C16orf74: variants seen among roughly 807,000 people sequenced by gnomAD.
C16orf74 encodes uncharacterized protein C16orf74.
In C16orf74, 10 loss-of-function variants were observed where a neutral mutation model predicts 6.5. The observed-to-expected ratio is 1.54, with a 90% CI of 0.95 to 2.61. C16orf74 has a LOEUF of 2.61. C16orf74 is among the 30% of genes most tolerant of loss of function. The pLI, the probability that C16orf74 is intolerant of heterozygous loss-of-function variation, is 0.00. For missense variants in C16orf74, 141 were observed against 105.9 expected (o/e 1.33, Z -1.45); for synonymous variants, 60 against 42.5 (o/e 1.41, Z -1.60).
At chr16:85,725,726 C>T (rs1332653835) in intron 2 of C16orf74, among the ~76,000 whole-genome samples, 1 of 152,164 alleles carries the variant, frequency 6.6e-6, no homozygotes, top group Non-Finnish European at 1.5e-5. Flanking sequence ...ACCTCAGCCT[C>T]CTGAGTAGCT....
chr16:85,746,568 TCACGGTGG>T (rs1374862564), intron 1 of C16orf74, among the ~76,000 whole-genome samples: 15 of 152,006 alleles, frequency 9.9e-5, no homozygotes, highest in Non-Finnish European at 1.6e-4. Context: ...AGGTCCTGAG[TCACGGTGG>T]CACCTTGCCC....
intron 2 of C16orf74, among the ~76,000 whole-genome samples, chr16:85,723,254 C>G (rs960370486): frequency 4.4e-5 from 5 of 114,362 alleles, no homozygotes; most frequent in Non-Finnish European, 8.6e-5. Flanking sequence ...AGCAAGACTC[C>G]ATCTCAAAAA....
At chr16:85,714,956 A>G (rs1598782526) in intron 2 of C16orf74, among the ~76,000 whole-genome samples, 1 of 150,826 alleles carries the variant, frequency 6.6e-6, no homozygotes, top group Admixed American at 6.6e-5. Flanking sequence ...GGAGATCGAG[A>G]CCATCCTGGC....
In C16orf74 at chr16:85,723,291, A is replaced by AGT. The variant is rs551391000; in HGVS notation, c.28+11897_28+11898dup. Among the ~76,000 whole-genome samples, 334 of 145,372 alleles carry AGT rather than the reference A, an allele frequency of 2.3e-3. 1 individual carries two copies. Among genetic ancestry groups the AGT allele is most frequent in the African/African-American group, 8.1e-3 (317 of 38,966 alleles). On this transcript the variant is annotated intron_variant, in intron 2 of 3. Transcript: ENST00000284245. ...AAAAAAAAAAAAAAAGGCCAGGTGC[A>AGT]GTGGCACATGCCTGTAATCCCAGCA...
intron 1 of C16orf74, among the ~76,000 whole-genome samples, chr16:85,747,916 T>A (rs1597185487): frequency 6.6e-6 from 1 of 151,976 alleles, no homozygotes; most frequent in African/African-American, 2.4e-5. Context: ...TGAAACCCCA[T>A]CTCTACTAAA....
At chr16:85,714,223 A>C (rs545932064) in intron 2 of C16orf74, among the ~76,000 whole-genome samples, 1 of 151,862 alleles carries the variant, frequency 6.6e-6, no homozygotes, top group South Asian at 2.1e-4. Flanking sequence ...GTGTGAGGTG[A>C]CCATGATGAG....
At chr16:85,731,787 A>C (rs2054190901) in intron 2 of C16orf74, among the ~76,000 whole-genome samples, 1 of 152,054 alleles carries the variant, frequency 6.6e-6, no homozygotes, top group Admixed American at 6.6e-5. Context: ...TCCTGGGCTC[A>C]AGGGATCCTC....
Position 85,721,077 on chromosome 16 carries a change from G to A in C16orf74, c.29-10770C>T, listed in dbSNP as rs527326375. The stretch of plus-strand genomic sequence containing the variant: ...CTGCACCCTAGCCTAGGCAATAAGA[G>A]CAAAACTCTGTCTCCAAAGAAAAGA... On this transcript the variant is annotated intron_variant, in intron 2 of 3. Coordinates refer to ENST00000284245, the MANE Select transcript of C16orf74 (RefSeq NM_206967.3). Among the ~76,000 whole-genome samples, 391 of 152,188 alleles carry A rather than the reference G, an allele frequency of 2.6e-3. 4 individuals carry two copies. Among genetic ancestry groups the A allele is most frequent in the African/African-American group, 9.1e-3 (376 of 41,512 alleles).
chr16:85,707,668 A>C lies in C16orf74; in HGVS notation c.*340T>G. The stretch of plus-strand genomic sequence containing the variant: ...GCTTATGGCAGGGGCATGTGTTTGC[A>C]CAGCCCTGGGGGCTGGGAGGGTGTG... On this transcript the variant is annotated 3_prime_UTR_variant, in exon 4 of 4. Transcript: ENST00000284245. 1 of 280,868 alleles carries C rather than the reference A, an allele frequency of 3.6e-6. No homozygotes were observed. Among genetic ancestry groups the C allele is most frequent in the Non-Finnish European group, 6.6e-6 (1 of 151,322 alleles). 17.4% of individuals were successfully genotyped at this position (280,868 alleles called of 1,614,324 possible). A position where few individuals can be genotyped will look rare whatever the true frequency, so the allele number is the denominator to read the frequency against.
chr16:85,739,536 T>C (rs1433732703), intron 1 of C16orf74, among the ~76,000 whole-genome samples: 1 of 152,180 alleles, frequency 6.6e-6, no homozygotes, highest in Non-Finnish European at 1.5e-5. Flanking sequence ...CGGGATGCTG[T>C]TTACTGTTGA....
At chr16:85,709,249 G>A (rs2053943101) in intron 3 of C16orf74, among the ~76,000 whole-genome samples, 1 of 152,196 alleles carries the variant, frequency 6.6e-6, no homozygotes, top group African/African-American at 2.4e-5. Context: ...AGCTACTCAG[G>A]AGGCTGAGGC....
rs16975880 is a variant in C16orf74 at position 85,731,103 on chromosome 16, T to A, written c.28+4087A>T. Among the ~76,000 whole-genome samples, 4 of 152,322 alleles carry A rather than the reference T, an allele frequency of 2.6e-5. No individual in the cohort carries two copies. The East Asian group carries it at 7.7e-4, about 29-fold the overall frequency. On this transcript the variant is annotated intron_variant, in intron 2 of 3. Transcript: ENST00000284245. ...ATGTCCTTGAGCAGAGTCCTGTCTTTATGATTCTTCAAGTCCTCTCCAGAA... is the reference window on the plus strand; with the variant it reads ...ATGTCCTTGAGCAGAGTCCTGTCTTAATGATTCTTCAAGTCCTCTCCAGAA...
chr16:85,735,708 G>T (rs1227315491), intron 1 of C16orf74, among the ~76,000 whole-genome samples: 1 of 151,106 alleles, frequency 6.6e-6, no homozygotes, highest in African/African-American at 2.4e-5. Flanking sequence ...CCTAATGCAG[G>T]TTCTTTGGAG....
In C16orf74 at chr16:85,733,760, T is replaced by C. The variant is rs148845261; in HGVS notation, c.28+1430A>G. Among the ~76,000 whole-genome samples, 196 of 152,232 alleles carry C rather than the reference T, an allele frequency of 1.3e-3. 2 individuals carry two copies. The highest frequency in any genetic ancestry group is 4.5e-3 in the African/African-American group (187 of 41,534). On this transcript the variant is annotated intron_variant, in intron 2 of 3. Transcript: ENST00000284245. The stretch of plus-strand genomic sequence containing the variant: ...TCCCCACTCCTCTGTGGGGTCAGCC[T>C]GGAGTCTCAGAGGAAGCCAGGTCCT...
At chr16:85,743,587 G>C (rs1245758038) in intron 1 of C16orf74, 1 of 152,178 alleles carries the variant, frequency 6.6e-6, no homozygotes, top group Non-Finnish European at 1.5e-5. Context: ...TAGATTGTTT[G>C]AGTTTGTTAC....
At chr16:85,741,568 C>T (rs1220826314) in intron 1 of C16orf74, 9 of 170,338 alleles carry the variant, frequency 5.3e-5, no homozygotes, top group African/African-American at 2.2e-4. Flanking sequence ...GGAACTCCCA[C>T]GTGGAGAGTT....
chr16:85,710,347 G>A (rs1422900730), intron 2 of C16orf74, 40 bp from the exon 3 acceptor site: 11 of 1,437,508 alleles, frequency 7.7e-6, no homozygotes, highest in East Asian at 3.0e-5. Context: ...ACGTACACAC[G>A]ACAGAGAGAC....
At chr16:85,729,650 T>G (rs545180859) in intron 2 of C16orf74, among the ~76,000 whole-genome samples, 8 of 152,202 alleles carry the variant, frequency 5.3e-5, no homozygotes, top group Non-Finnish European at 1.2e-4. Flanking sequence ...AAGGATCTCA[T>G]GATGAGCTCA....
intron 1 of C16orf74, among the ~76,000 whole-genome samples, chr16:85,737,166 C>CTG: frequency 6.6e-6 from 1 of 152,164 alleles, no homozygotes; most frequent in East Asian, 1.9e-4. Flanking sequence ...ATGTCAGCTG[C>CTG]TGCTGTCCCT....
Sources: allele counts gnomAD v4.1 joint callset (sites outside exome capture counted in the v4.1 genomes callset), GRCh38; gene constraint gnomAD v4.1.1; transcripts MANE v1.5; gene names NCBI Gene and HGNC (gene_info 2026-07-23, HGNC 2026-07-21).